The following BMP2K variants were observed in gnomAD, a reference collection of about 807,000 sequenced individuals.
BMP2K encodes BMP-2-inducible protein kinase.
In BMP2K, 74 loss-of-function variants were observed where a neutral mutation model predicts 116.0. The ratio of observed to expected loss-of-function variants is 0.64; its 90% CI spans 0.53 to 0.77. The LOEUF (loss-of-function observed/expected upper bound fraction) is 0.77. BMP2K is among the 30% of genes least tolerant of loss of function. The pLI, the probability that BMP2K is intolerant of heterozygous loss-of-function variation, is 0.00. For missense variants in BMP2K, 1,365 were observed against 1,403.6 expected (o/e 0.97, Z 0.44); for synonymous variants, 486 against 502.5 (o/e 0.97, Z 0.44).
intron 3 of BMP2K, 59 bp from the exon 4 acceptor site, chr4:78,842,326 G>T (rs1312000693): frequency 3.5e-5 from 50 of 1,437,416 alleles, no homozygotes; most frequent in Non-Finnish European, 4.3e-5. Flanking sequence ...TTCTTAATTT[G>T]CTTGTGATAG....
In BMP2K at chr4:78,836,427, AAG is replaced by A. The variant is rs541665227; in HGVS notation, c.403+2742_403+2743del. Among the ~76,000 whole-genome samples, 12 of 151,868 alleles carry A rather than the reference AAG, an allele frequency of 7.9e-5. No individual in the cohort carries two copies. The South Asian group carries it at 2.6e-3, about 33-fold the overall frequency. On this transcript the variant is annotated intron_variant, in intron 3 of 15. Transcript: ENST00000502613. ...GCGAGACTCTGTCTCAAAAAAAAAA[AAG>A]AAGTAAAAATAATTATGCAGTATGT...
chr4:78,806,006 T>C (rs900602093), intron 1 of BMP2K, among the ~76,000 whole-genome samples: 1 of 151,978 alleles, frequency 6.6e-6, no homozygotes, highest in Non-Finnish European at 1.5e-5. Context: ...GCTTTAAATT[T>C]TTTTTTTCAT....
At chr4:78,869,071 A>G (rs1732206571) in intron 10 of BMP2K, among the ~76,000 whole-genome samples, 1 of 152,150 alleles carries the variant, frequency 6.6e-6, no homozygotes, top group Non-Finnish European at 1.5e-5. Context: ...GCACTGCCCT[A>G]GCAGAGGTTC....
chr4:78,872,665 C>T lies in BMP2K; in HGVS notation c.1660C>T (p.Gln554Ter). ...FFQQQMLAQHQPSQQQASPEY... is the reference protein window; with the variant it reads ...FFQQQMLAQH ...TCAACAGCAGATGCTAGCTCAACAT[C>T]AGCCGTCTCAACAACAGGCATCACC... Residue 554 changes from glutamine (Q) to a stop codon, truncating the protein, a stop_gained, in exon 13 of 16, where the codon CAG (glutamine) becomes TAG (stop). Coordinates refer to ENST00000502613, the MANE Select transcript of BMP2K (RefSeq NM_198892.2). LOFTEE classifies it high-confidence loss of function. The T allele has an allele frequency of 2.5e-6, 4 of 1,614,138 alleles. No individual in the cohort carries two copies. Among genetic ancestry groups the T allele is most frequent in the Non-Finnish European group, 3.4e-6 (4 of 1,179,992 alleles).
chr4:78,886,460 A>G (rs1011519322), intron 14 of BMP2K, among the ~76,000 whole-genome samples: 4 of 152,036 alleles, frequency 2.6e-5, no homozygotes, highest in Non-Finnish European at 5.9e-5. Flanking sequence ...CCTATTGCCT[A>G]TTATTTGTTT....
chr4:78,882,011 T>G (rs72660912), intron 14 of BMP2K, among the ~76,000 whole-genome samples: 241 of 152,148 alleles, frequency 1.6e-3, no homozygotes, highest in Non-Finnish European at 2.7e-3. Context: ...CTGAAAGCCT[T>G]TATATGGTCC....
At position 78,798,003 on chromosome 4, in the gene BMP2K, T is replaced by TGG. The variant is rs549712970; in HGVS notation, c.178+21287_178+21288dup. On this transcript the variant is annotated intron_variant, in intron 1 of 15. Coordinates refer to ENST00000502613, the MANE Select transcript of BMP2K (RefSeq NM_198892.2). ...CTAATTTTAAAAATTTTTGTAGCAA[T>TGG]GGGGGGTCTCACTTCGTTGCCCAGA... is the stretch of plus-strand genomic sequence containing the variant. Among the ~76,000 whole-genome samples the TGG allele has an allele frequency of 8.5e-5, 13 of 152,172 alleles. No homozygotes were observed. The East Asian group carries it at 2.5e-3, about 29-fold the overall frequency.
intron 15 of BMP2K, among the ~76,000 whole-genome samples, chr4:78,903,114 G>A (rs1357812588): frequency 6.6e-6 from 1 of 151,092 alleles, no homozygotes; most frequent in Non-Finnish European, 1.5e-5. Context: ...TGTATTGTAT[G>A]CCATACAATA....
intron 1 of BMP2K, among the ~76,000 whole-genome samples, chr4:78,806,369 A>C (rs1728821322): frequency 6.6e-6 from 1 of 151,968 alleles, no homozygotes; most frequent in Non-Finnish European, 1.5e-5. Flanking sequence ...GTAGAGGTAG[A>C]GTCTTGCTAT....
At position 78,780,049 on chromosome 4, in the gene BMP2K, A is replaced by G. The variant is rs185096381; in HGVS notation, c.178+3328A>G. ...TTGTCAGGCTCATATAATTAATTCA[A>G]TGTAACCTTCCAAGTTTTTACTAAA... On this transcript the variant is annotated intron_variant, in intron 1 of 15. Transcript: ENST00000502613. Among the ~76,000 whole-genome samples the G allele has an allele frequency of 2.6e-3, 395 of 152,308 alleles. 1 individual carries two copies. Among genetic ancestry groups the G allele is most frequent in the Non-Finnish European group, 4.5e-3 (303 of 68,006 alleles).
intron 1 of BMP2K, among the ~76,000 whole-genome samples, chr4:78,788,689 C>G (rs187441491): frequency 6.8e-6 from 1 of 147,032 alleles, no homozygotes; most frequent in South Asian, 2.1e-4. Context: ...ATATTGCAAA[C>G]TCATGAGTTT....
At chr4:78,900,394 A>G (rs1733935416) in intron 15 of BMP2K, among the ~76,000 whole-genome samples, 1 of 152,164 alleles carries the variant, frequency 6.6e-6, no homozygotes, top group Non-Finnish European at 1.5e-5. Flanking sequence ...CTCATTGTTC[A>G]AGGCTCAACT....
intron 15 of BMP2K, among the ~76,000 whole-genome samples, chr4:78,908,585 C>T (rs1388373805): frequency 2.0e-5 from 3 of 152,124 alleles, no homozygotes; most frequent in Non-Finnish European, 2.9e-5. Flanking sequence ...ATGGTGATAA[C>T]TCCCAAATCT....
chr4:78,816,216 G>A (rs1729344992), intron 1 of BMP2K, among the ~76,000 whole-genome samples: 1 of 151,960 alleles, frequency 6.6e-6, no homozygotes, highest in South Asian at 2.1e-4. Context: ...TTTGGCAAGG[G>A]TACTTCATAG....
chr4:78,865,930 A>G (rs1361760443), intron 10 of BMP2K, among the ~76,000 whole-genome samples: 2 of 152,350 alleles, frequency 1.3e-5, no homozygotes, highest in East Asian at 3.9e-4. Context: ...ATATAAAAGT[A>G]TGGTACAAAA....
At chr4:78,895,295 A>C (rs1733644415) in intron 15 of BMP2K, among the ~76,000 whole-genome samples, 1 of 152,212 alleles carries the variant, frequency 6.6e-6, no homozygotes, top group African/African-American at 2.4e-5. Flanking sequence ...CCTGTATTTA[A>C]TTTTACACTG....
At chr4:78,823,218 A>T (rs974709485) in intron 1 of BMP2K, among the ~76,000 whole-genome samples, 4 of 152,096 alleles carry the variant, frequency 2.6e-5, no homozygotes, top group Admixed American at 6.6e-5. Flanking sequence ...GTTTTTATGA[A>T]GAAAACCTAC....
rs1202324472 is a variant in BMP2K, at chr4:78,871,881, T to G, written c.1541T>G (p.Leu514Arg). Residue 514 changes from leucine to arginine, a missense_variant, in exon 12 of 16, where the codon CTT becomes CGT. Physicochemically the swap from Leu to Arg is moderately radical, Grantham distance 102. This residue lies in a region of BMP2K where 762 missense variants were observed against 756.7 expected (regional missense o/e 1.01). Transcript: ENST00000502613. ...CATGCAACACAGCAGCAACAGATGCTTCAACAACAATTTTTAATGCATTCG... is the reference window on the plus strand; with the variant it reads ...CATGCAACACAGCAGCAACAGATGCGTCAACAACAATTTTTAATGCATTCG... ...YQHATQQQQM[L>R]QQQFLMHSVY... 7 of 1,613,200 alleles carry G rather than the reference T, an allele frequency of 4.3e-6. No homozygotes were observed. The highest frequency in any genetic ancestry group is 5.9e-6 in the Non-Finnish European group (7 of 1,179,534).
At chr4:78,799,094 G>A (rs78771959) in intron 1 of BMP2K, among the ~76,000 whole-genome samples, 4,431 of 152,240 alleles carry the variant, frequency 0.029, 209 homozygotes, top group African/African-American at 0.1. Flanking sequence ...CAACAGTGCC[G>A]TTCTAATTTT....
Sources: gnomAD v4.1 joint callset for allele counts (sites outside exome capture counted in the v4.1 genomes callset) on GRCh38, gnomAD v4.1.1 for gene constraint, gnomAD v4.1.1 regional missense constraint, MANE v1.5 for transcripts, NCBI Gene and HGNC (gene_info 2026-07-23, HGNC 2026-07-21) for gene names.